CAMTA1: variants seen among roughly 807,000 people sequenced by gnomAD.
The protein encoded by CAMTA1 is calmodulin-binding transcription activator 1.
In CAMTA1, 27 loss-of-function variants were observed where a neutral mutation model predicts 170.9. The ratio of observed to expected loss-of-function variants is 0.16; its 90% confidence interval spans 0.12 to 0.22. The LOEUF (loss-of-function observed/expected upper bound fraction) is 0.22. CAMTA1 is among the 10% of genes least tolerant of loss of function. The pLI is 1.00. For synonymous variants in CAMTA1, 833 were observed against 891.5 expected (o/e 0.93, Z 1.17); for missense variants, 1,619 against 2,217.2 (o/e 0.73, Z 5.42).
chr1:7,658,111 G>A (rs980941136), intron 7 of CAMTA1, among the ~76,000 whole-genome samples: 7 of 152,174 alleles, frequency 4.6e-5, no homozygotes, highest in Admixed American at 1.3e-4. Context: ...CCTGAAGGCC[G>A]AAGCCAGAGG....
Position 7,668,429 on chromosome 1 carries a change from ACACCCAC to A in CAMTA1, c.2653-2478_2653-2472del, listed in dbSNP as rs1475734938. ...CACACACACACACACACACACACAC[ACACCCAC>A]CACACACCCCAGAGGCGTCCCCCTA... On this transcript the variant is annotated intron_variant, in intron 9 of 22. Transcript: ENST00000303635. 8.5e-3 allele frequency among the ~76,000 whole-genome samples: 1,077 copies of A among 126,644 alleles called. 12 individuals carry two copies. The highest frequency in any genetic ancestry group is 0.032 in the African/African-American group (1,013 of 31,800). The allele number at this position is 126,644 out of a possible 152,430, so 83.1% of individuals were successfully genotyped here. A position where few individuals can be genotyped will look rare whatever the true frequency, so the allele number is the denominator to read the frequency against.
Position 7,493,442 on chromosome 1 carries a change from T to C in CAMTA1, c.510+25541T>C, listed in dbSNP as rs1040738722. On this transcript the variant is annotated intron_variant, in intron 6 of 22. Coordinates refer to ENST00000303635, the MANE Select transcript of CAMTA1 (RefSeq NM_015215.4). ...ACATACACACATGCACACACAAACA[T>C]ACAAACACACGTGCAAACACACAAA... Among the ~76,000 whole-genome samples, 4 of 80,298 alleles carry C rather than the reference T, an allele frequency of 5.0e-5. 1 individual carries two copies. The highest frequency in any genetic ancestry group is 1.9e-4 in the African/African-American group (3 of 15,430). 52.7% of individuals were successfully genotyped at this position (80,298 alleles called of 152,430 possible).
rs17030376 is a variant in CAMTA1, at chr1:7,149,374, C to T, written c.302+58003C>T. Among the ~76,000 whole-genome samples the T allele has an allele frequency of 6.9e-3, 1,045 of 152,280 alleles. 24 individuals carry two copies. In the East Asian group the frequency reaches 0.089, roughly 13 times the overall value. ...CAGGTGGGCTTCGGCGAGACTCTCA[C>T]GCAAGGGACTTTGCTCATTTTCTGC... On this transcript the variant is annotated intron_variant, in intron 4 of 22. Coordinates refer to ENST00000303635, the MANE Select transcript of CAMTA1 (RefSeq NM_015215.4).
chr1:7,554,011 A>G (rs1251004582), intron 6 of CAMTA1, among the ~76,000 whole-genome samples: 1 of 152,200 alleles, frequency 6.6e-6, no homozygotes, highest in Non-Finnish European at 1.5e-5. Context: ...TCTGGACTCT[A>G]AAATTCCTGG....
chr1:7,238,369 A>G (rs1055445509), intron 4 of CAMTA1, among the ~76,000 whole-genome samples: 2 of 152,190 alleles, frequency 1.3e-5, no homozygotes, highest in African/African-American at 4.8e-5. Context: ...AATTTGCTTA[A>G]CCACTCAGTG....
chr1:7,469,789 C>A (rs1431706529), intron 6 of CAMTA1, among the ~76,000 whole-genome samples: 1 of 152,216 alleles, frequency 6.6e-6, no homozygotes, highest in African/African-American at 2.4e-5. Context: ...CACCATTGGG[C>A]AGCCACGAGG....
intron 3 of CAMTA1, among the ~76,000 whole-genome samples, chr1:7,006,095 G>GTT (rs1330258155): frequency 2.0e-5 from 3 of 152,170 alleles, no homozygotes; most frequent in Admixed American, 2.0e-4. Context: ...GTGTCTCTGG[G>GTT]TTTAGCTAGA....
At chr1:7,087,523 A>G (rs1394563708) in intron 3 of CAMTA1, among the ~76,000 whole-genome samples, 1 of 152,162 alleles carries the variant, frequency 6.6e-6, no homozygotes, top group Non-Finnish European at 1.5e-5. Context: ...GGAAAAGTTC[A>G]GTTCCTCACT....
chr1:7,358,501 C>T (rs1269447860), intron 5 of CAMTA1, among the ~76,000 whole-genome samples: 7 of 152,002 alleles, frequency 4.6e-5, no homozygotes, highest in Non-Finnish European at 7.4e-5. Flanking sequence ...GGGCTGCTTC[C>T]GGTGCGGAGC....
At position 7,598,241 on chromosome 1, in the gene CAMTA1, C is replaced by T. The variant is rs75397763; in HGVS notation, c.511-42159C>T. On this transcript the variant is annotated intron_variant, in intron 6 of 22. Transcript: ENST00000303635. ...GAGAATAATGGTTTCCAGCTTCATC[C>T]GTGTTCCTACAAAGGACACGAACTC... is the stretch of plus-strand genomic sequence containing the variant. 3.8e-4 allele frequency among the ~76,000 whole-genome samples: 58 copies of T among 152,200 alleles called. No individual in the cohort carries two copies. In the East Asian group the frequency reaches 9.5e-3, roughly 25 times the overall value.
intron 11 of CAMTA1, among the ~76,000 whole-genome samples, chr1:7,705,574 A>C (rs1268029237): frequency 6.6e-6 from 1 of 150,998 alleles, no homozygotes; most frequent in Non-Finnish European, 1.5e-5. Context: ...GCCGGCGGCG[A>C]GTGTGTTGGG....
chr1:7,601,776 C>CA (rs1303765908), intron 6 of CAMTA1, among the ~76,000 whole-genome samples: 1 of 152,120 alleles, frequency 6.6e-6, no homozygotes, highest in Admixed American at 6.5e-5. Flanking sequence ...CCGTCTCCAC[C>CA]AAAAAAATAC....
In CAMTA1 at chr1:7,306,831, A is replaced by C. The variant is rs551106939; in HGVS notation, c.438+57205A>C. On this transcript the variant is annotated intron_variant, in intron 5 of 22. Coordinates refer to ENST00000303635, the MANE Select transcript of CAMTA1 (RefSeq NM_015215.4). ...TGGTGGATTGAACCAACAGTGGATC[A>C]AAAATATTCAGAAAAAATAACAACA... Among the ~76,000 whole-genome samples, 3 of 152,096 alleles carry C rather than the reference A, an allele frequency of 2.0e-5. No individual in the cohort carries two copies. In the East Asian group the frequency reaches 5.8e-4, roughly 29 times the overall value.
intron 5 of CAMTA1, among the ~76,000 whole-genome samples, chr1:7,267,051 T>A (rs1669046832): frequency 6.6e-6 from 1 of 152,192 alleles, no homozygotes; most frequent in Admixed American, 6.5e-5. Context: ...TGCTGAGTGA[T>A]GCTGGATATG....
At position 6,994,026 on chromosome 1, in the gene CAMTA1, TCTTAA is replaced by T. The variant is rs1286117284; in HGVS notation, c.235-97274_235-97270del. ...TTGCACTAGGGAATGTAATGTATATTCTTAACTTTTCACAATCTACATGTAGTTAA... is the reference window on the plus strand; with the variant it reads ...TTGCACTAGGGAATGTAATGTATATTCTTTTCACAATCTACATGTAGTTAA... On this transcript the variant is annotated intron_variant, in intron 3 of 22. Transcript: ENST00000303635. 1.7e-4 allele frequency among the ~76,000 whole-genome samples: 26 copies of T among 152,298 alleles called. 2 individuals carry two copies. The highest frequency in any genetic ancestry group is 5.8e-4 in the African/African-American group (24 of 41,558).
intron 3 of CAMTA1, among the ~76,000 whole-genome samples, chr1:6,984,445 C>CT (rs1695024953): frequency 6.6e-6 from 1 of 152,018 alleles, no homozygotes; most frequent in African/African-American, 2.4e-5. Context: ...AACCCCGTCT[C>CT]TAACAGAAAT....
At chr1:6,958,057 T>C (rs1689758461) in intron 3 of CAMTA1, among the ~76,000 whole-genome samples, 1 of 152,168 alleles carries the variant, frequency 6.6e-6, no homozygotes, top group African/African-American at 2.4e-5. Context: ...GGGTGTGGTC[T>C]TTCGTGAACA....
chr1:7,394,411 G>C (rs916277344), intron 5 of CAMTA1, among the ~76,000 whole-genome samples: 1 of 152,016 alleles, frequency 6.6e-6, no homozygotes, highest in African/African-American at 2.4e-5. Context: ...ATCTCATTGT[G>C]GTTTTGACTT....
chr1:7,217,592 C>T (rs1431628796), intron 4 of CAMTA1, among the ~76,000 whole-genome samples: 1 of 151,972 alleles, frequency 6.6e-6, no homozygotes, highest in Non-Finnish European at 1.5e-5. Context: ...ACTTGTCTTT[C>T]TACATGATGC....
Sources: allele counts gnomAD v4.1 joint callset (sites outside exome capture counted in the v4.1 genomes callset), GRCh38; gene constraint gnomAD v4.1.1; transcripts MANE v1.5; gene names NCBI Gene and HGNC (gene_info 2026-07-23, HGNC 2026-07-21).